The following SYNE2 variants were observed in gnomAD, a reference collection of about 807,000 sequenced individuals.
The protein encoded by SYNE2 is nesprin-2.
Under a neutral mutation model 856.3 loss-of-function variants are expected in SYNE2, and 431 were observed. That is an observed-to-expected ratio of 0.50 (90% CI 0.47 to 0.55). The LOEUF is 0.55. SYNE2 is among the 20% of genes least tolerant of loss of function. The pLI is 0.00. For synonymous variants in SYNE2, 2,923 were observed against 2,872.3 expected (o/e 1.02, Z -0.56); for missense variants, 8,129 against 8,023.2 (o/e 1.01, Z -0.50).
chr14:64,024,501 C>G, intron 39 of SYNE2, 42 bp downstream of exon 39: 1 of 1,580,712 alleles, frequency 6.3e-7, no homozygotes, highest in Non-Finnish European at 8.7e-7. Flanking sequence ...GTTTTCTAAC[C>G]ATATCTTTAT....
At chr14:63,964,049 A>G (rs1265944537) in intron 10 of SYNE2, 49 bp downstream of exon 10, 1 of 1,170,256 alleles carries the variant, frequency 8.5e-7, no homozygotes, top group Non-Finnish European at 1.3e-6. Flanking sequence ...TTAAGAGTTG[A>G]GCGTAAGTAT....
rs1344667757 is a variant in SYNE2, at chr14:63,961,382, C to T, written c.788-143C>T. 5.6e-6 allele frequency: 4 copies of T among 709,762 alleles called. No individual in the cohort carries two copies. In the East Asian group the frequency reaches 1.1e-4, roughly 19 times the overall value. 44.0% of individuals were successfully genotyped at this position (709,762 alleles called of 1,614,324 possible). On this transcript the variant is annotated intron_variant, in intron 8 of 115. Transcript: ENST00000555002. The stretch of plus-strand genomic sequence containing the variant: ...CAGTCTTGCAGCAAGGCTGAGTAAA[C>T]AGAGATTGGATGGCTGGGTGACTAC...
chr14:64,080,359 G>C, intron 55 of SYNE2, 97 bp from the exon 56 acceptor site: 2 of 1,203,136 alleles, frequency 1.7e-6, no homozygotes. Context: ...TGATGTTTTA[G>C]TAGCATTTAT....
intron 8 of SYNE2, among the ~76,000 whole-genome samples, chr14:63,957,297 C>T (rs2096253232): frequency 8.3e-6 from 1 of 119,764 alleles, no homozygotes; most frequent in African/African-American, 3.1e-5. Context: ...GAGACAGGGT[C>T]TCGCTCAGTC....
chr14:64,024,234 A>G (rs1333284968), intron 38 of SYNE2, 23 bp from the exon 39 acceptor site: 2 of 1,612,220 alleles, frequency 1.2e-6, no homozygotes, highest in Admixed American at 1.7e-5. Context: ...GGAGATTGTA[A>G]TGGACTTTTT....
intron 1 of SYNE2, among the ~76,000 whole-genome samples, chr14:63,783,142 T>C (rs1226599253): frequency 1.3e-5 from 2 of 152,292 alleles, no homozygotes; most frequent in East Asian, 3.9e-4. Context: ...AATTGAATCA[T>C]GGGAGCAGTT....
Position 64,062,839 on chromosome 14 carries a change from A to G in SYNE2, c.10156A>G (p.Met3386Val). 2 of 1,614,184 alleles carry G rather than the reference A, an allele frequency of 1.2e-6. No individual in the cohort carries two copies. Among genetic ancestry groups the G allele is most frequent in the Non-Finnish European group, 1.7e-6 (2 of 1,180,008 alleles). The change falls in exon 50 of 116, where the codon ATG becomes GTG. Residue 3386 changes from methionine (M) to valine (V), a missense_variant. Met to Val is a conservative substitution (Grantham distance 21). Coordinates refer to ENST00000555002, the MANE Select transcript of SYNE2 (RefSeq NM_182914.3). ...AATGGAGACAGTTCTTGGACAGTCCATGTCCTCGTTGCCACTGTCTTACAG... is the reference window on the plus strand; with the variant it reads ...AATGGAGACAGTTCTTGGACAGTCCGTGTCCTCGTTGCCACTGTCTTACAG... ...SKMETVLGQS[M>V]SSLPLSYREA...
In SYNE2 at chr14:64,188,556, A is replaced by G. The variant is rs1314554604; in HGVS notation, c.17719A>G (p.Ile5907Val). Reference protein sequence around the residue: ...QWEDLCLRVAIRKQEIEDRLN... With the variant: ...QWEDLCLRVAVRKQEIEDRLN... ...AATGTATTTTCATTTGCAGGTGGCC[A>G]TACGTAAACAGGAGATTGAAGACAG... is the stretch of plus-strand genomic sequence containing the variant. The change falls in exon 98 of 116, where the codon ATA becomes GTA. Residue 5907 changes from isoleucine to valine, a missense_variant. By Grantham distance (29) the Ile-to-Val change is conservative. Transcript: ENST00000555002. The G allele has an allele frequency of 1.2e-6, 2 of 1,614,238 alleles. No individual in the cohort carries two copies. The highest frequency in any genetic ancestry group is 1.7e-6 in the Non-Finnish European group (2 of 1,180,040).
chr14:63,883,862 ATT>A (rs34392423), intron 1 of SYNE2, among the ~76,000 whole-genome samples: 160 of 130,444 alleles, frequency 1.2e-3, no homozygotes, highest in Middle Eastern at 3.9e-3. Flanking sequence ...AAGCTGGTGA[ATT>A]TTTTTTTTTT....
At chr14:64,146,522 A>G (rs1050820944) in intron 84 of SYNE2, among the ~76,000 whole-genome samples, 3 of 152,190 alleles carry the variant, frequency 2.0e-5, no homozygotes, top group East Asian at 1.9e-4. Context: ...ATGCTTTCCA[A>G]TTTTCCATTT....
chr14:63,782,255 C>T (rs1887345220), intron 1 of SYNE2, among the ~76,000 whole-genome samples: 1 of 151,938 alleles, frequency 6.6e-6, no homozygotes, highest in Non-Finnish European at 1.5e-5. Context: ...GGGTGGATCA[C>T]CTGAGGTCAG....
At chr14:63,867,397 AAGAG>A (rs71123807) in intron 1 of SYNE2, among the ~76,000 whole-genome samples, 9,355 of 147,956 alleles carry the variant, frequency 0.063, 334 homozygotes, top group Admixed American at 0.096. Context: ...AAAAAAAAAA[AAGAG>A]AGAGAGAGAG....
intron 107 of SYNE2, chr14:64,215,792 C>T: frequency 2.0e-6 from 1 of 499,166 alleles, no homozygotes; most frequent in South Asian, 2.6e-5. Flanking sequence ...AAAAAACCTT[C>T]CTTTCCTTGA....
chr14:63,860,977 AC>A (rs199668341), intron 1 of SYNE2, among the ~76,000 whole-genome samples: 2,907 of 152,152 alleles, frequency 0.019, 40 homozygotes, highest in Middle Eastern at 0.034. Context: ...ATTGAGTATA[AC>A]CTTGACAGTG....
intron 43 of SYNE2, 89 bp downstream of exon 43, chr14:64,027,882 C>A: frequency 9.4e-7 from 1 of 1,066,270 alleles, no homozygotes; most frequent in Non-Finnish European, 1.4e-6. Context: ...TGTTGTTGTT[C>A]ATTTTGTTTT....
At chr14:64,080,063 G>GTA (rs2097507222) in intron 55 of SYNE2, among the ~76,000 whole-genome samples, 1 of 152,012 alleles carries the variant, frequency 6.6e-6, no homozygotes, top group African/African-American at 2.4e-5. Context: ...GTGTGTGTGT[G>GTA]TGCGCGTGCG....
At chr14:64,163,266 A>T in intron 88 of SYNE2, 136 bp from the exon 89 acceptor site, 6 of 1,070,016 alleles carry the variant, frequency 5.6e-6, no homozygotes, top group Non-Finnish European at 6.9e-6. Flanking sequence ...TCAGCTATTT[A>T]AAATAAATAA....
chr14:63,936,056 A>G (rs183577373), intron 2 of SYNE2, among the ~76,000 whole-genome samples: 4,872 of 152,008 alleles, frequency 0.032, 262 homozygotes, highest in African/African-American at 0.11. Context: ...TGTATTTTTA[A>G]TAGAGATGGG....
At position 64,087,492 on chromosome 14, in the gene SYNE2, A is replaced by G. The variant is rs368291783; in HGVS notation, c.11485-179A>G. 6 of 776,928 alleles carry G rather than the reference A, an allele frequency of 7.7e-6. No individual in the cohort carries two copies. In the East Asian group the frequency reaches 1.0e-4, roughly 13 times the overall value. The allele number at this position is 776,928 out of a possible 1,614,324, so 48.1% of individuals were successfully genotyped here. A position where few individuals can be genotyped will look rare whatever the true frequency, so the allele number is the denominator to read the frequency against. ...TATTATGTTACAGTTATACAGGTAG[A>G]TACTCTGAAGTCTTTCACTGTCATT... On this transcript the variant is annotated intron_variant, in intron 57 of 115. Coordinates refer to ENST00000555002, the MANE Select transcript of SYNE2 (RefSeq NM_182914.3).
Sources: gnomAD v4.1 joint callset for allele counts (sites outside exome capture counted in the v4.1 genomes callset) on GRCh38, gnomAD v4.1.1 for gene constraint, MANE v1.5 for transcripts, NCBI Gene and HGNC (gene_info 2026-07-23, HGNC 2026-07-21) for gene names.